Variants in PNPLA8 observed in about 807,000 individuals in gnomAD.
PNPLA8 encodes the protein calcium-independent phospholipase A2-gamma.
Under a neutral mutation model 76.9 loss-of-function variants are expected in PNPLA8, and 39 were observed. The ratio of observed to expected loss-of-function variants is 0.51; its 90% CI spans 0.39 to 0.66. PNPLA8 has a LOEUF of 0.66. PNPLA8 is among the 30% of genes least tolerant of loss of function. The pLI, the probability that PNPLA8 is intolerant of heterozygous loss-of-function variation, is 0.00. For missense variants in PNPLA8, 887 were observed against 918.0 expected, an observed-to-expected ratio of 0.97 and a Z score of 0.44; for synonymous variants, 301 against 307.9, an observed-to-expected ratio of 0.98 and a Z score of 0.24.
intron 9 of PNPLA8, among the ~76,000 whole-genome samples, chr7:108,483,703 CAT>C (rs569577804): frequency 2.6e-5 from 4 of 152,144 alleles, no homozygotes; most frequent in Non-Finnish European, 5.9e-5. Flanking sequence ...TGTTGAAAGT[CAT>C]AAATTGGATA....
intron 9 of PNPLA8, among the ~76,000 whole-genome samples, chr7:108,481,042 T>C (rs1280355063): frequency 6.6e-6 from 1 of 152,214 alleles, no homozygotes; most frequent in Non-Finnish European, 1.5e-5. Context: ...AGTAGTTGCA[T>C]GTATCAATAG....
chr7:108,524,379 A>T (rs940922910), intron 1 of PNPLA8, among the ~76,000 whole-genome samples: 2 of 152,200 alleles, frequency 1.3e-5, no homozygotes, highest in African/African-American at 4.8e-5. Context: ...CAGAGCTAGG[A>T]AGAGGAAGAA....
chr7:108,478,655 G>T (rs183177414), intron 10 of PNPLA8, among the ~76,000 whole-genome samples: 1 of 152,272 alleles, frequency 6.6e-6, no homozygotes, highest in Admixed American at 6.5e-5. Context: ...GCCTCCCAAA[G>T]TGCTGGGATT....
At chr7:108,510,421 G>A (rs192058477) in intron 4 of PNPLA8, 1,345 of 1,506,998 alleles carry the variant, frequency 8.9e-4, no homozygotes, top group Non-Finnish European at 1.1e-3. Flanking sequence ...ATAGGCAGAT[G>A]TACAGAACTG....
intron 2 of PNPLA8, among the ~76,000 whole-genome samples, chr7:108,519,762 A>G (rs1381313113): frequency 6.6e-6 from 1 of 152,046 alleles, no homozygotes; most frequent in Non-Finnish European, 1.5e-5. Context: ...CCCTATCTAC[A>G]AAAAGACCAG....
intron 4 of PNPLA8, among the ~76,000 whole-genome samples, chr7:108,504,017 G>T (rs1207004426): frequency 1.3e-5 from 2 of 152,060 alleles, no homozygotes; most frequent in Non-Finnish European, 2.9e-5. Context: ...GAGATTTTAG[G>T]ACCCAATGAG....
At position 108,515,276 on chromosome 7, in the gene PNPLA8, G is replaced by A; in HGVS notation, c.216C>T (p.Tyr72=). Residue 72 remains tyrosine, a synonymous_variant, in exon 3 of 11, where the codon TAC becomes TAT. Transcript: ENST00000257694. The part of the protein sequence containing the change: ...SEAHSCSKHC[Y]SPSNHGLHIG... ...TATGTAAACCATGGTTGCTTGGAGA[G>A]TAACAGTGCTTACTGCAAGAATGTG... is the stretch of plus-strand genomic sequence containing the variant. 1 of 1,608,174 alleles carries A rather than the reference G, an allele frequency of 6.2e-7. No individual in the cohort carries two copies. The highest frequency in any genetic ancestry group is 8.5e-7 in the Non-Finnish European group (1 of 1,177,136).
intron 2 of PNPLA8, among the ~76,000 whole-genome samples, chr7:108,519,238 T>C (rs912181223): frequency 1.3e-5 from 2 of 151,466 alleles, no homozygotes; most frequent in Middle Eastern, 3.4e-3. Context: ...TAAAAAAAAA[T>C]AAATAAAACA....
At chr7:108,502,466 A>AG in intron 5 of PNPLA8, 25 bp downstream of exon 5, 1 of 1,477,280 alleles carries the variant, frequency 6.8e-7, no homozygotes, top group Non-Finnish European at 9.0e-7. Context: ...AAAAAAAAAA[A>AG]AAAGAATCAT....
chr7:108,490,899 C>T (rs1403616517), intron 8 of PNPLA8, among the ~76,000 whole-genome samples: 3 of 152,114 alleles, frequency 2.0e-5, no homozygotes, highest in Non-Finnish European at 2.9e-5. Flanking sequence ...CATGTTCTTC[C>T]ATTTCTGGTA....
intron 7 of PNPLA8, among the ~76,000 whole-genome samples, chr7:108,492,689 C>G (rs1055853954): frequency 2.0e-5 from 3 of 151,720 alleles, no homozygotes; most frequent in African/African-American, 7.3e-5. Flanking sequence ...AAAATTATCA[C>G]AGCAAAATAA....
chr7:108,492,801 C>CAGTG (rs1254109204), intron 7 of PNPLA8, among the ~76,000 whole-genome samples: 12 of 152,188 alleles, frequency 7.9e-5, no homozygotes, highest in Admixed American at 2.0e-4. Context: ...TACTGGCACC[C>CAGTG]AGTGAATCAC....
At position 108,502,475 on chromosome 7, in the gene PNPLA8, A is replaced by AACG. The variant is rs1862033983; in HGVS notation, c.1358+15_1358+16insCGT. ...AAAAAAAAAAAAAAAAAAAAGAATC[A>AACG]TGTTCCTAGCCTTACCTTGTTCCTC... is the stretch of plus-strand genomic sequence containing the variant. On this transcript the variant is annotated intron_variant, in intron 5 of 10. Transcript: ENST00000257694. 4.3e-6 allele frequency: 5 copies of AACG among 1,175,712 alleles called. No individual in the cohort carries two copies. Among genetic ancestry groups the AACG allele is most frequent in the Middle Eastern group, 2.6e-4 (1 of 3,796 alleles). The allele number at this position is 1,175,712 out of a possible 1,614,324, so 72.8% of individuals were successfully genotyped here.
Position 108,472,549 on chromosome 7 carries a change from C to T in PNPLA8, c.2201G>A (p.Gly734Glu), listed in dbSNP as rs1335804507. The change falls in exon 11 of 11, where the codon GGG becomes GAG. Residue 734 changes from glycine to glutamate, a missense_variant. Transcript: ENST00000257694. The stretch of plus-strand genomic sequence containing the variant: ...TTCATTTCTTTCTATGTATTTCAAC[C>T]CTTCCAACTGCAGCTGATCCAGCTT... Reference protein sequence around the residue: ...NEKLDQLQLEGLKYIERNEQK... With the variant: ...NEKLDQLQLEELKYIERNEQK... 6.2e-7 allele frequency: 1 copy of T among 1,612,852 alleles called. No individual in the cohort carries two copies. The highest frequency in any genetic ancestry group is 1.7e-5 in the Admixed American group (1 of 59,884).
At chr7:108,481,679 T>A (rs1265657815) in intron 9 of PNPLA8, among the ~76,000 whole-genome samples, 1 of 152,224 alleles carries the variant, frequency 6.6e-6, no homozygotes, top group East Asian at 1.9e-4. Context: ...AAATTTTTAA[T>A]TTTGATGAAG....
At chr7:108,525,474 A>T (rs1416321931) in intron 1 of PNPLA8, among the ~76,000 whole-genome samples, 1 of 152,218 alleles carries the variant, frequency 6.6e-6, no homozygotes, top group African/African-American at 2.4e-5. Flanking sequence ...CAATGATAGA[A>T]ATGACACAGG....
chr7:108,505,327 TATATATATATATATATATA>T lies in PNPLA8; in HGVS notation c.1207-2704_1207-2686del, dbSNP rs1862292946. On this transcript the variant is annotated intron_variant, in intron 4 of 10. Transcript: ENST00000257694. ...ATATATATATATATATATATATATA[TATATATATATATATATATA>T]TATATATTTTTTTTTTTTTTTTTTT... Among the ~76,000 whole-genome samples, 5 of 9,340 alleles carry T rather than the reference TATATATATATATATATATA, an allele frequency of 5.4e-4. 1 individual carries two copies. The highest frequency in any genetic ancestry group is 2.5e-3 in the African/African-American group (5 of 2,032). The allele number at this position is 9,340 out of a possible 152,430, so 6.1% of individuals were successfully genotyped here.
chr7:108,500,013 T>G (rs796872247), intron 5 of PNPLA8, among the ~76,000 whole-genome samples: 18 of 152,346 alleles, frequency 1.2e-4, no homozygotes, highest in African/African-American at 4.3e-4. Flanking sequence ...TACTTTGCTT[T>G]ATTTTTCTTC....
intron 8 of PNPLA8, among the ~76,000 whole-genome samples, chr7:108,490,585 T>C (rs549307246): frequency 2.1e-4 from 32 of 151,912 alleles, no homozygotes; most frequent in East Asian, 3.9e-4. Flanking sequence ...AGATCGAGAC[T>C]ATCCTGGCTA....
Sources: gnomAD v4.1 joint callset for allele counts (sites outside exome capture counted in the v4.1 genomes callset) on GRCh38, gnomAD v4.1.1 for gene constraint, MANE v1.5 for transcripts, NCBI Gene and HGNC (gene_info 2026-07-23, HGNC 2026-07-21) for gene names.